The following GPBP1L1 variants were observed in gnomAD, a reference collection of about 807,000 sequenced individuals.
The protein encoded by GPBP1L1 is vasculin-like protein 1.
GPBP1L1 carries 23 observed loss-of-function variants against 52.5 expected under a neutral mutation model. The observed-to-expected ratio is 0.44, with a 90% CI of 0.32 to 0.62. The LOEUF is 0.62. GPBP1L1 is among the 20% of genes least tolerant of loss of function. The pLI, the probability that GPBP1L1 is intolerant of heterozygous loss-of-function variation, is 0.06. For missense variants in GPBP1L1, 596 were observed against 579.3 expected (o/e 1.03, Z -0.30); for synonymous variants, 243 against 203.1 (o/e 1.20, Z -1.67).
Position 45,658,976 on chromosome 1 carries a change from C to G in GPBP1L1, c.60+52G>C, listed in dbSNP as rs1644915524. On this transcript the variant is annotated intron_variant, in intron 4 of 12. Transcript: ENST00000355105. ...TGAAACCAAAAAACAACCAAAACCA[C>G]CCCCAAACCCTCTCATATTTGAGAA... 3.1e-5 allele frequency: 39 copies of G among 1,278,288 alleles called. No homozygotes were observed. In the South Asian group the frequency reaches 4.5e-4, roughly 15 times the overall value. 79.2% of individuals were successfully genotyped at this position (1,278,288 alleles called of 1,614,324 possible).
At chr1:45,640,874 C>A (rs756517928) in intron 7 of GPBP1L1, among the ~76,000 whole-genome samples, 13 of 152,066 alleles carry the variant, frequency 8.5e-5, no homozygotes, top group Non-Finnish European at 1.6e-4. Flanking sequence ...AAACATTAGC[C>A]AGGCATGGTG....
intron 7 of GPBP1L1, among the ~76,000 whole-genome samples, 172 bp downstream of exon 7, chr1:45,642,255 G>A (rs542385195): frequency 2.6e-5 from 4 of 152,202 alleles, no homozygotes; most frequent in Non-Finnish European, 1.5e-5. Context: ...GTGTTTGGGG[G>A]TTGGGCGGTG....
At chr1:45,671,338 T>C (rs1287005059) in intron 2 of GPBP1L1, among the ~76,000 whole-genome samples, 1 of 151,460 alleles carries the variant, frequency 6.6e-6, no homozygotes, top group Admixed American at 6.6e-5. Flanking sequence ...CCTTCTCAAG[T>C]AGCTGGGATT....
rs1644856205 is a variant in GPBP1L1, at chr1:45,654,260, A to T, written c.477+283T>A. On this transcript the variant is annotated intron_variant, in intron 6 of 12. Coordinates refer to ENST00000355105, the MANE Select transcript of GPBP1L1 (RefSeq NM_021639.5). ...AATTTAACATGCAAGAGTACATTTT[A>T]ACATAATTATATTTGAGTAAACTTT... is the stretch of plus-strand genomic sequence containing the variant. 6 of 249,206 alleles carry T rather than the reference A, an allele frequency of 2.4e-5. No individual in the cohort carries two copies. The South Asian group carries it at 5.8e-4, about 24-fold the overall frequency. 15.4% of individuals were successfully genotyped at this position (249,206 alleles called of 1,614,324 possible).
At chr1:45,685,967 C>T (rs545808454) in intron 1 of GPBP1L1, among the ~76,000 whole-genome samples, 10 of 152,240 alleles carry the variant, frequency 6.6e-5, no homozygotes, top group African/African-American at 2.2e-4. Flanking sequence ...CCTCAGATAT[C>T]CAACATTTGA....
At chr1:45,677,231 G>C (rs66682726) in intron 2 of GPBP1L1, among the ~76,000 whole-genome samples, 43,028 of 151,422 alleles carry the variant, frequency 0.28, 6,231 homozygotes, top group South Asian at 0.37. Flanking sequence ...AGCTACTCGG[G>C]AGACTAAGGC....
At chr1:45,645,900 T>C (rs979722004) in intron 6 of GPBP1L1, 2 of 499,478 alleles carry the variant, frequency 4.0e-6, no homozygotes, top group Admixed American at 2.3e-5. Flanking sequence ...AGGCTGTCAA[T>C]ATGACGAAGT....
At chr1:45,651,584 T>C (rs376207721) in intron 6 of GPBP1L1, 19 of 651,312 alleles carry the variant, frequency 2.9e-5, no homozygotes, top group East Asian at 2.2e-4. Context: ...CTGGATGAAC[T>C]GGTTAATCGC....
intron 6 of GPBP1L1, among the ~76,000 whole-genome samples, chr1:45,650,496 C>T (rs1644806930): frequency 6.6e-6 from 1 of 152,160 alleles, no homozygotes; most frequent in African/African-American, 2.4e-5. Context: ...TCTAACAACT[C>T]AGGGACAATT....
At chr1:45,637,880 C>CA (rs1044686909) in intron 8 of GPBP1L1, among the ~76,000 whole-genome samples, 34 of 151,274 alleles carry the variant, frequency 2.2e-4, no homozygotes, top group South Asian at 1.0e-3. Flanking sequence ...TTACTCCTCA[C>CA]AAAAAAAAGG....
chr1:45,655,236 A>G lies in GPBP1L1; in HGVS notation c.144T>C (p.Asn48=). The G allele has an allele frequency of 6.2e-7, 1 of 1,614,110 alleles. No homozygotes were observed. Residue 48 remains asparagine, a synonymous_variant, in exon 5 of 13, where the codon AAT becomes AAC. Transcript: ENST00000355105. Reference sequence around the variant, plus strand: ...CATTGTTAAAAAAACCATCAGAGGAATTATGTCGACGGCGGCTTACTCCAA... The same window carrying G: ...CATTGTTAAAAAAACCATCAGAGGAGTTATGTCGACGGCGGCTTACTCCAA... The part of the protein sequence containing the change: ...GRFGVSRRRH[N]SSDGFFNNGP...
intron 12 of GPBP1L1, 25 bp from the exon 13 acceptor site, chr1:45,628,433 A>G (rs758449238): frequency 5.6e-6 from 9 of 1,608,862 alleles, no homozygotes; most frequent in Non-Finnish European, 6.8e-6. Context: ...GGAGAGAAAG[A>G]AAAAAGAAAA....
chr1:45,676,043 T>A (rs1645135375), intron 2 of GPBP1L1, among the ~76,000 whole-genome samples: 1 of 152,238 alleles, frequency 6.6e-6, no homozygotes, highest in African/African-American at 2.4e-5. Flanking sequence ...TCATTTTCTA[T>A]CTGTACATAG....
chr1:45,686,371 C>T (rs1195622511), intron 1 of GPBP1L1, 41 bp downstream of exon 1: 1 of 152,576 alleles, frequency 6.6e-6, no homozygotes, highest in Non-Finnish European at 1.5e-5. Flanking sequence ...CAGAACGACT[C>T]CAGGATCTCC....
At position 45,632,648 on chromosome 1, in the gene GPBP1L1, G is replaced by T. The variant is rs143152640; in HGVS notation, c.1044+841C>A. Among the ~76,000 whole-genome samples the T allele has an allele frequency of 3.0e-3, 460 of 152,268 alleles. 4 individuals carry two copies. The highest frequency in any genetic ancestry group is 0.022 in the East Asian group (115 of 5,178). Reference sequence around the variant, plus strand: ...GGAGAATCGCTTGAACCCGGGAAGCGGAGGTTGCAATGAGCCCAGATCGTG... The same window carrying T: ...GGAGAATCGCTTGAACCCGGGAAGCTGAGGTTGCAATGAGCCCAGATCGTG... On this transcript the variant is annotated intron_variant, in intron 10 of 12. Transcript: ENST00000355105.
At chr1:45,645,933 A>G (rs1644739555) in intron 6 of GPBP1L1, 2 of 497,814 alleles carry the variant, frequency 4.0e-6, no homozygotes, top group Admixed American at 4.4e-5. Context: ...ATAGAAGCAG[A>G]TTGTTCTGCC....
chr1:45,680,858 C>A (rs905320290), intron 2 of GPBP1L1, among the ~76,000 whole-genome samples: 2 of 151,932 alleles, frequency 1.3e-5, no homozygotes, highest in African/African-American at 2.4e-5. Flanking sequence ...AGTGAGTATA[C>A]CATAAGTGCA....
intron 5 of GPBP1L1, 139 bp downstream of exon 5, chr1:45,655,051 C>CTTTCTACTA: frequency 9.0e-7 from 1 of 1,106,200 alleles, no homozygotes; most frequent in South Asian, 1.4e-5. Flanking sequence ...AATGTAGTTG[C>CTTTCTACTA]GTAATGACTA....
intron 2 of GPBP1L1, among the ~76,000 whole-genome samples, chr1:45,684,258 C>CAAAAAAAAAAAAAAAAAA: frequency 1.5e-4 from 13 of 88,430 alleles, no homozygotes; most frequent in African/African-American, 2.3e-4. Context: ...AACTCCGTCT[C>CAAAAAAAAAAAAAAAAAA]AAAAAAAAAA....
Sources: gnomAD v4.1 joint callset for allele counts (sites outside exome capture counted in the v4.1 genomes callset) on GRCh38, gnomAD v4.1.1 for gene constraint, MANE v1.5 for transcripts, NCBI Gene and HGNC (gene_info 2026-07-23, HGNC 2026-07-21) for gene names.